The following NRG3 variants were observed in gnomAD, a reference collection of about 807,000 sequenced individuals.
NRG3 encodes the protein pro-neuregulin-3, membrane-bound isoform.
NRG3 carries 31 observed loss-of-function variants against 66.9 expected under a neutral mutation model. That is an observed-to-expected ratio of 0.46 (90% CI 0.35 to 0.63). NRG3 has a LOEUF of 0.63. NRG3 is among the 20% of genes least tolerant of loss of function. The pLI is 0.00. For synonymous variants in NRG3, 393 were observed against 359.4 expected (o/e 1.09, Z -1.06); for missense variants, 910 against 878.9 (o/e 1.04, Z -0.45).
At chr10:82,793,537 G>A (rs561816458) in intron 3 of NRG3, among the ~76,000 whole-genome samples, 2 of 152,214 alleles carry the variant, frequency 1.3e-5, no homozygotes, top group East Asian at 1.9e-4. Flanking sequence ...TTATTCTGGG[G>A]AGATTTAAAA....
chr10:82,879,266 T>G (rs2136045523), intron 4 of NRG3, among the ~76,000 whole-genome samples: 1 of 152,280 alleles, frequency 6.6e-6, no homozygotes, highest in South Asian at 2.1e-4. Flanking sequence ...GAAATAACAC[T>G]TTTAAAAATA....
intron 1 of NRG3, among the ~76,000 whole-genome samples, chr10:82,086,174 G>A (rs2065715612): frequency 6.6e-6 from 1 of 152,110 alleles, no homozygotes; most frequent in African/African-American, 2.4e-5. Flanking sequence ...GTCAACTAGT[G>A]TGACAGTAAT....
intron 3 of NRG3, among the ~76,000 whole-genome samples, chr10:82,810,458 A>G (rs1414056132): frequency 6.6e-6 from 1 of 152,108 alleles, no homozygotes; most frequent in Admixed American, 6.5e-5. Context: ...AAAGACAAAC[A>G]GATCAGTAAA....
At chr10:82,408,537 A>C (rs1191858316) in intron 2 of NRG3, among the ~76,000 whole-genome samples, 1 of 151,852 alleles carries the variant, frequency 6.6e-6, no homozygotes, top group Admixed American at 6.6e-5. Context: ...AAGTTATTAC[A>C]TATTACAAAT....
At chr10:82,616,431 T>C (rs2048654672) in intron 2 of NRG3, among the ~76,000 whole-genome samples, 3 of 152,236 alleles carry the variant, frequency 2.0e-5, no homozygotes, top group Admixed American at 2.0e-4. Flanking sequence ...AGCTGAATGC[T>C]GCTTTTGGCT....
At chr10:82,491,082 A>G (rs1843051784) in intron 2 of NRG3, among the ~76,000 whole-genome samples, 1 of 151,428 alleles carries the variant, frequency 6.6e-6, no homozygotes. Context: ...CCATCATACC[A>G]TCACATTCCA....
At chr10:82,981,078 A>T (rs1174927817) in intron 8 of NRG3, among the ~76,000 whole-genome samples, 1 of 152,148 alleles carries the variant, frequency 6.6e-6, no homozygotes, top group East Asian at 1.9e-4. Context: ...GGGCACTGTT[A>T]TGACCATCTT....
At chr10:82,486,526 T>C (rs1842690891) in intron 2 of NRG3, among the ~76,000 whole-genome samples, 3 of 152,090 alleles carry the variant, frequency 2.0e-5, no homozygotes, top group African/African-American at 4.8e-5. Flanking sequence ...GCAATTCTTC[T>C]GCCTCAGCCT....
chr10:82,367,742 C>T (rs1460282499), intron 2 of NRG3, among the ~76,000 whole-genome samples: 1 of 152,028 alleles, frequency 6.6e-6, no homozygotes, highest in Non-Finnish European at 1.5e-5. Context: ...CGCTTGTAAT[C>T]CCAGAACTTA....
chr10:81,907,693 G>A (rs755932600), intron 1 of NRG3, among the ~76,000 whole-genome samples: 10 of 152,092 alleles, frequency 6.6e-5, no homozygotes, highest in Non-Finnish European at 1.2e-4. Context: ...ACCTCCTTTT[G>A]ACTATAAATT....
chr10:82,574,731 G>A (rs1184397519), intron 2 of NRG3, among the ~76,000 whole-genome samples: 6 of 151,684 alleles, frequency 4.0e-5, no homozygotes, highest in Admixed American at 6.6e-5. Flanking sequence ...TACAAAAGAA[G>A]GGATTTGTGT....
chr10:82,300,173 T>C (rs188457978), intron 1 of NRG3, among the ~76,000 whole-genome samples: 77 of 152,338 alleles, frequency 5.1e-4, no homozygotes, highest in Non-Finnish European at 8.8e-4. Flanking sequence ...AATAAAGAAA[T>C]ATTTATTTGA....
chr10:82,915,647 GAC>G (rs1475697647), intron 4 of NRG3, among the ~76,000 whole-genome samples: 1 of 151,844 alleles, frequency 6.6e-6, no homozygotes, highest in African/African-American at 2.4e-5. Context: ...AAAAAAATTA[GAC>G]ACAAAATGTT....
chr10:82,925,879 C>A (rs949199480), intron 4 of NRG3, among the ~76,000 whole-genome samples: 1 of 152,174 alleles, frequency 6.6e-6, no homozygotes. Context: ...CCCCCTTTTG[C>A]AGCCTGCCCA....
At chr10:82,205,254 A>G (rs1314863701) in intron 1 of NRG3, among the ~76,000 whole-genome samples, 4 of 152,082 alleles carry the variant, frequency 2.6e-5, no homozygotes, top group Non-Finnish European at 5.9e-5. Flanking sequence ...CTCTACCTCT[A>G]TTTTGATATT....
chr10:81,960,519 A>G (rs2133270103), intron 1 of NRG3, among the ~76,000 whole-genome samples: 1 of 152,202 alleles, frequency 6.6e-6, no homozygotes, highest in East Asian at 1.9e-4. Flanking sequence ...ACTGAAAGTC[A>G]AAAGAATGAA....
At chr10:82,682,946 ATTTTTTTTTTTTTTTT>A (rs71009814) in intron 2 of NRG3, among the ~76,000 whole-genome samples, 2 of 65,334 alleles carry the variant, frequency 3.1e-5, no homozygotes, top group Non-Finnish European at 5.3e-5. Context: ...CCATGTCTTA[ATTTTTTTTTTTTTTTT>A]TTTTTTTTTT....
At chr10:82,075,454 G>T (rs12264148) in intron 1 of NRG3, among the ~76,000 whole-genome samples, 4,157 of 152,176 alleles carry the variant, frequency 0.027, 201 homozygotes, top group African/African-American at 0.096. Flanking sequence ...TGAAGATTTA[G>T]CATGTTTAAG....
intron 1 of NRG3, among the ~76,000 whole-genome samples, chr10:82,046,242 C>G (rs372681600): frequency 6.3e-5 from 8 of 126,142 alleles, no homozygotes; most frequent in East Asian, 2.3e-4. Context: ...CTTTTATTTC[C>G]TTGAGCAGTG....
Sources: gnomAD v4.1 joint callset for allele counts (sites outside exome capture counted in the v4.1 genomes callset) on GRCh38, gnomAD v4.1.1 for gene constraint, MANE v1.5 for transcripts, NCBI Gene and HGNC (gene_info 2026-07-23, HGNC 2026-07-21) for gene names.